The following C4BPB variants were observed in gnomAD, a reference collection of about 807,000 sequenced individuals.
C4BPB encodes complement component 4 binding protein beta, also known as C4b-binding protein beta chain.
In C4BPB, 19 loss-of-function variants were observed where a neutral mutation model predicts 26.6. The observed-to-expected ratio is 0.71, with a 90% CI of 0.50 to 1.05. The LOEUF is 1.05. Among genes scored for constraint, C4BPB ranks in the 50% least tolerant of loss-of-function variants. The pLI, the probability that C4BPB is intolerant of heterozygous loss-of-function variation, is 0.00. For synonymous variants in C4BPB, 118 were observed against 103.5 expected, an observed-to-expected ratio of 1.14 and a Z score of -0.85; for missense variants, 282 against 302.9, an observed-to-expected ratio of 0.93 and a Z score of 0.51.
At chr1:207,095,289 A>T (rs374598894) in intron 4 of C4BPB, 13 of 456,630 alleles carry the variant, frequency 2.8e-5, no homozygotes, top group African/African-American at 1.6e-4. Context: ...TTCTTTCCAC[A>T]GTTCCACAGA....
At chr1:207,092,071 T>C (rs1347100397) in intron 4 of C4BPB, among the ~76,000 whole-genome samples, 2 of 152,142 alleles carry the variant, frequency 1.3e-5, no homozygotes, top group Non-Finnish European at 2.9e-5. Flanking sequence ...TCCTACTAGG[T>C]GTAATGTAGG....
chr1:207,090,330 T>G lies in C4BPB; in HGVS notation c.81T>G (p.Pro27=), dbSNP rs1683977110. The G allele has an allele frequency of 6.2e-7, 1 of 1,613,202 alleles. No individual in the cohort carries two copies. The highest frequency in any genetic ancestry group is 1.3e-5 in the African/African-American group (1 of 74,874). ...ASDAEHCPEL[P]PVDNSIFVAK... ...CAGCAGAGCACTGTCCAGAGCTTCC[T>G]CCAGTGGACAATAGCATATTTGTCG... is the stretch of plus-strand genomic sequence containing the variant. Residue 27 remains proline (P), a synonymous_variant, in exon 3 of 7, where the codon CCT becomes CCG. Coordinates refer to ENST00000367078, the MANE Select transcript of C4BPB (RefSeq NM_001017365.3).
chr1:207,098,261 A>G lies in C4BPB; in HGVS notation c.615A>G (p.Ala205=). The G allele has an allele frequency of 6.3e-7, 1 of 1,579,106 alleles. No homozygotes were observed. The highest frequency in any genetic ancestry group is 1.1e-5 in the South Asian group (1 of 90,362). ...QEAPKPECEK[A]LLAFQESKNL... ...CTCCCAAACCAGAGTGTGAGAAGGCACTTGTAAGTAGGAGGCTCATATCTG... is the reference window on the plus strand; with the variant it reads ...CTCCCAAACCAGAGTGTGAGAAGGCGCTTGTAAGTAGGAGGCTCATATCTG... Residue 205 remains alanine, a synonymous_variant, in exon 6 of 7, where the codon GCA becomes GCG. Coordinates refer to ENST00000367078, the MANE Select transcript of C4BPB (RefSeq NM_001017365.3).
chr1:207,095,149 A>G, intron 4 of C4BPB: 1 of 377,874 alleles, frequency 2.6e-6, no homozygotes, highest in Non-Finnish European at 5.2e-6. Context: ...GACCTTAGAG[A>G]TGATATTATT....
chr1:207,091,038 C>G (rs888500842), intron 3 of C4BPB, among the ~76,000 whole-genome samples: 3 of 152,180 alleles, frequency 2.0e-5, no homozygotes, highest in African/African-American at 7.2e-5. Context: ...TGCTCAAGGT[C>G]ACAAAACTCA....
intron 4 of C4BPB, chr1:207,096,075 C>T (rs895020584): frequency 4.7e-6 from 1 of 212,798 alleles, no homozygotes; most frequent in East Asian, 1.6e-4. Flanking sequence ...TGGACTAATA[C>T]ACTCATGTTT....
chr1:207,092,357 T>G (rs1684063677), intron 4 of C4BPB, among the ~76,000 whole-genome samples: 1 of 152,148 alleles, frequency 6.6e-6, no homozygotes, highest in African/African-American at 2.4e-5. Flanking sequence ...TGCCATTTTG[T>G]GTGTATGTAT....
Position 207,099,779 on chromosome 1 carries a change from CT to C in C4BPB, c.619-7del. 1.2e-6 allele frequency: 2 copies of C among 1,606,468 alleles called. No individual in the cohort carries two copies. The highest frequency in any genetic ancestry group is 1.7e-6 in the Non-Finnish European group (2 of 1,177,500). ...TATGTTGTAACTTGTGAAAAATTTT[CT>C]TTCTTCAGCTTGCCTTTCAGGAGAG... On this transcript the variant is annotated splice_polypyrimidine_tract_variant and intron_variant, in intron 6 of 6. Transcript: ENST00000367078.
At chr1:207,097,219 G>C (rs1368919451) in intron 5 of C4BPB, among the ~76,000 whole-genome samples, 1 of 151,686 alleles carries the variant, frequency 6.6e-6, no homozygotes, top group Non-Finnish European at 1.5e-5. Context: ...TTTTTTTGTT[G>C]TTGTTATTTT....
intron 4 of C4BPB, among the ~76,000 whole-genome samples, chr1:207,093,059 A>G (rs1044977797): frequency 1.3e-5 from 2 of 152,232 alleles, no homozygotes; most frequent in Non-Finnish European, 2.9e-5. Context: ...CACAAAATAA[A>G]TATTGAAAAA....
chr1:207,099,767 G>A, intron 6 of C4BPB, 22 bp from the exon 7 acceptor site: 1 of 1,606,132 alleles, frequency 6.2e-7, no homozygotes, highest in Non-Finnish European at 8.5e-7. Context: ...GTTGTAACTT[G>A]TGAAAAATTT....
chr1:207,092,351 AT>A (rs1342982749), intron 4 of C4BPB, among the ~76,000 whole-genome samples: 1 of 152,132 alleles, frequency 6.6e-6, no homozygotes, highest in Non-Finnish European at 1.5e-5. Flanking sequence ...ATTAAATGCC[AT>A]TTTGTGTGTA....
rs549288326 is a variant in C4BPB at position 207,092,964 on chromosome 1, T to C, written c.409+1144T>C. ...TCTATAGGATAGATTCCTAAAATGA[T>C]TGCTGGATCACAGGATGCTATTATT... On this transcript the variant is annotated intron_variant, in intron 4 of 6. Transcript: ENST00000367078. Among the ~76,000 whole-genome samples the C allele has an allele frequency of 3.2e-4, 49 of 152,324 alleles. No individual in the cohort carries two copies. In the South Asian group the frequency reaches 9.3e-3, roughly 29 times the overall value.
chr1:207,099,487 C>T (rs184727765), intron 6 of C4BPB, among the ~76,000 whole-genome samples: 43 of 152,238 alleles, frequency 2.8e-4, no homozygotes, highest in African/African-American at 7.9e-4. Context: ...AAGCACAATG[C>T]GTGAGAATTG....
intron 1 of C4BPB, 193 bp from the exon 2 acceptor site, chr1:207,089,289 C>T (rs1484861772): frequency 2.2e-6 from 1 of 460,714 alleles, no homozygotes; most frequent in Admixed American, 3.8e-5. Context: ...CCTGGCAACT[C>T]TTTTACCATC....
intron 5 of C4BPB, among the ~76,000 whole-genome samples, chr1:207,097,208 G>GT (rs1183128829): frequency 1.3e-5 from 2 of 151,650 alleles, no homozygotes; most frequent in African/African-American, 2.4e-5. Context: ...TGGGTTTTTT[G>GT]TTTTTTTGTT....
chr1:207,096,331 T>G, intron 4 of C4BPB, 191 bp from the exon 5 acceptor site: 1 of 589,198 alleles, frequency 1.7e-6, no homozygotes, highest in Non-Finnish European at 3.0e-6. Context: ...ACAAATATGA[T>G]TTAGAAGAGA....
In C4BPB at chr1:207,089,593, C is replaced by T. The variant is rs774255769; in HGVS notation, c.58+4C>T. 9.9e-6 allele frequency: 16 copies of T among 1,613,578 alleles called. No individual in the cohort carries two copies. Among genetic ancestry groups the T allele is most frequent in the African/African-American group, 2.7e-5 (2 of 74,978 alleles). On this transcript the variant is annotated splice_donor_region_variant and intron_variant, in intron 2 of 6. Transcript: ENST00000367078. ...TGGCGAGTTTCTGCTTCAGATGGTA[C>T]GTATGCTTTCCTTCAACTCAGCTTA... is the stretch of plus-strand genomic sequence containing the variant.
intron 4 of C4BPB, 72 bp downstream of exon 4, chr1:207,091,892 T>A: frequency 7.8e-7 from 1 of 1,274,688 alleles, no homozygotes; most frequent in Non-Finnish European, 1.1e-6. Context: ...ATTTGCCACA[T>A]CCCTGGGATG....
Sources: allele counts gnomAD v4.1 joint callset (sites outside exome capture counted in the v4.1 genomes callset), GRCh38; gene constraint gnomAD v4.1.1; transcripts MANE v1.5; gene names NCBI Gene and HGNC (gene_info 2026-07-23, HGNC 2026-07-21).